Variants in FETUB observed in about 807,000 individuals in gnomAD.
FETUB encodes the protein fetuin B.
Under a neutral mutation model 30.9 loss-of-function variants are expected in FETUB, and 28 were observed. The observed-to-expected ratio is 0.90, with a 90% CI of 0.67 to 1.24. The LOEUF is 1.24. Among genes scored for constraint, FETUB ranks in the 50% most tolerant of loss-of-function variants. The pLI, the probability that FETUB is intolerant of heterozygous loss-of-function variation, is 0.00. For missense variants in FETUB, 469 were observed against 455.3 expected, an observed-to-expected ratio of 1.03 and a Z score of -0.27; for synonymous variants, 186 against 175.9, an observed-to-expected ratio of 1.06 and a Z score of -0.45.
upstream of FETUB, chr3:186,636,342 C>T (rs1293268192): frequency 1.3e-5 from 2 of 152,204 alleles, no homozygotes; most frequent in Admixed American, 6.5e-5. Context: ...TATAAAATCT[C>T]CCCTGGTCTT....
At chr3:186,644,367 C>T (rs1327475381) in intron 3 of FETUB, among the ~76,000 whole-genome samples, 2 of 152,102 alleles carry the variant, frequency 1.3e-5, no homozygotes, top group Non-Finnish European at 2.9e-5. Context: ...ATATGATGTT[C>T]GGTGTTAGGA....
chr3:186,647,316 T>C (rs577540410), intron 5 of FETUB, among the ~76,000 whole-genome samples: 82 of 152,344 alleles, frequency 5.4e-4, no homozygotes, highest in Non-Finnish European at 9.3e-4. Flanking sequence ...TATGTACACA[T>C]ATGTTTCCAT....
chr3:186,640,752 G>C (rs1009666430), intron 1 of FETUB, 67 bp downstream of exon 1: 5 of 1,334,232 alleles, frequency 3.7e-6, no homozygotes, highest in Non-Finnish European at 5.4e-6. Context: ...GCCAGGGTGA[G>C]GGAACCCAGA....
At position 186,651,367 on chromosome 3, in the gene FETUB, C is replaced by T. The variant is rs1194051873; in HGVS notation, c.780+66C>T. On this transcript the variant is annotated intron_variant, in intron 6 of 6. Coordinates refer to ENST00000265029, the MANE Select transcript of FETUB (RefSeq NM_014375.3). ...GCAGATTATCGATAGTTACCTGCCA[C>T]TACCTTACCCCCTCCTTTGATTTTC... 19 of 1,020,660 alleles carry T rather than the reference C, an allele frequency of 1.9e-5. No individual in the cohort carries two copies. In the East Asian group the frequency reaches 3.5e-4, roughly 19 times the overall value. 63.2% of individuals were successfully genotyped at this position (1,020,660 alleles called of 1,614,324 possible). A position where few individuals can be genotyped will look rare whatever the true frequency, so the allele number is the denominator to read the frequency against.
In FETUB at chr3:186,640,661, G is replaced by A. The variant is rs2108514196; in HGVS notation, c.201G>A (p.Val67=). 1 of 1,614,076 alleles carries A rather than the reference G, an allele frequency of 6.2e-7. No homozygotes were observed. The change falls in exon 1 of 7, where the codon GTG becomes GTA. Residue 67 remains valine, a synonymous_variant. Coordinates refer to ENST00000265029, the MANE Select transcript of FETUB (RefSeq NM_014375.3). ...KDGYVLRLNR[V]NDAQEYRRGG... Reference sequence around the variant, plus strand: ...GCTATGTGCTGAGACTCAACCGAGTGAACGACGCCCAGGAATACAGACGGG... The same window carrying A: ...GCTATGTGCTGAGACTCAACCGAGTAAACGACGCCCAGGAATACAGACGGG...
rs367977932 is a variant in FETUB, at chr3:186,640,656, C to T, written c.196C>T (p.Arg66Ter). The T allele has an allele frequency of 2.6e-5, 42 of 1,613,912 alleles. No homozygotes were observed. The highest frequency in any genetic ancestry group is 9.3e-5 in the African/African-American group (7 of 74,906). Residue 66 changes from arginine (R) to a stop codon, truncating the protein, a stop_gained, in exon 1 of 7, where the codon CGA becomes TGA. Transcript: ENST00000265029. LOFTEE classifies it high-confidence loss of function. ...RKDGYVLRLN[R>*]VNDAQEYRRG... ...GGATGGCTATGTGCTGAGACTCAACCGAGTGAACGACGCCCAGGAATACAG... is the reference window on the plus strand; with the variant it reads ...GGATGGCTATGTGCTGAGACTCAACTGAGTGAACGACGCCCAGGAATACAG...
At chr3:186,645,712 C>T (rs1194715095) in intron 4 of FETUB, among the ~76,000 whole-genome samples, 1 of 149,512 alleles carries the variant, frequency 6.7e-6, no homozygotes, top group Non-Finnish European at 1.5e-5. Context: ...GTTTAGGGCC[C>T]ATTCAAATCT....
Position 186,640,505 on chromosome 3 carries a change from C to G in FETUB, c.45C>G (p.Cys15Trp). 1 of 1,614,208 alleles carries G rather than the reference C, an allele frequency of 6.2e-7. No homozygotes were observed. ...TGGCACTCTGCATCCTAGTCCTGTG[C>G]TGCGGAGCAATGTCTCCACCCCAGC... Reference protein sequence around the residue: ...LPLALCILVLCCGAMSPPQLA... With the variant: ...LPLALCILVLWCGAMSPPQLA... The change falls in exon 1 of 7, where the codon TGC becomes TGG. Residue 15 changes from cysteine to tryptophan, a missense_variant. Transcript: ENST00000265029.
At chr3:186,648,815 T>C (rs1414469416) in intron 5 of FETUB, among the ~76,000 whole-genome samples, 3 of 152,240 alleles carry the variant, frequency 2.0e-5, no homozygotes, top group African/African-American at 7.2e-5. Context: ...TGAAAGTGTG[T>C]AGAAAGACGA....
intron 4 of FETUB, 77 bp from the exon 5 acceptor site, chr3:186,646,171 A>G (rs1415203230): frequency 4.1e-6 from 4 of 978,828 alleles, no homozygotes; most frequent in Non-Finnish European, 6.5e-6. Flanking sequence ...TTCTGTAGAT[A>G]TAACGCTGCC....
At position 186,640,448 on chromosome 3, in the gene FETUB, T is replaced by C. The variant is rs79554917; in HGVS notation, c.-13T>C. On this transcript the variant is annotated 5_prime_UTR_variant, in exon 1 of 7. Coordinates refer to ENST00000265029, the MANE Select transcript of FETUB (RefSeq NM_014375.3). ...CCACAAACTGACCCATCCTGGGCCTTGTTCTCCACAGAATGGGTCTGCTCC... is the reference window on the plus strand; with the variant it reads ...CCACAAACTGACCCATCCTGGGCCTCGTTCTCCACAGAATGGGTCTGCTCC... 1.1e-3 allele frequency: 1,810 copies of C among 1,609,112 alleles called. 13 individuals carry two copies. In the African/African-American group the frequency reaches 0.021, roughly 19 times the overall value.
intron 3 of FETUB, among the ~76,000 whole-genome samples, chr3:186,643,759 A>T (rs552964951): frequency 8.1e-4 from 124 of 152,280 alleles, no homozygotes; most frequent in African/African-American, 2.9e-3. Context: ...CCAGTCCCCA[A>T]GTGCATGCAG....
In FETUB at chr3:186,646,007, A is replaced by G. The variant is rs1442254768; in HGVS notation, c.595-241A>G. Among the ~76,000 whole-genome samples, 11 of 152,238 alleles carry G rather than the reference A, an allele frequency of 7.2e-5. 1 individual carries two copies. The highest frequency in any genetic ancestry group is 4.2e-4 in the South Asian group (2 of 4,816). ...CCCAAAGTGCTGGGATTACAGGCGTAAGCCACCGTGCCCAGCCTCAAATCT... is the reference window on the plus strand; with the variant it reads ...CCCAAAGTGCTGGGATTACAGGCGTGAGCCACCGTGCCCAGCCTCAAATCT... On this transcript the variant is annotated intron_variant, in intron 4 of 6. Transcript: ENST00000265029.
In FETUB at chr3:186,652,528, T is replaced by C. The variant is rs1718144484; in HGVS notation, c.1046T>C (p.Met349Thr). Reference protein sequence around the residue: ...LDISFLFLEPMEEKLVVLPFP... With the variant: ...LDISFLFLEPTEEKLVVLPFP... ...ATTTCCTTCCTCTTCCTGGAGCCTA[T>C]GGAGGAGAAGCTGGTGGTCCTGCCT... Residue 349 changes from methionine (M) to threonine (T), a missense_variant, in exon 7 of 7, where the codon ATG (methionine) becomes ACG (threonine). Physicochemically the swap from Met to Thr is moderately conservative, Grantham distance 81 (BLOSUM62 -1). Transcript: ENST00000265029. 6.2e-7 allele frequency: 1 copy of C among 1,614,146 alleles called. No individual in the cohort carries two copies. The highest frequency in any genetic ancestry group is 1.7e-5 in the Admixed American group (1 of 60,024).
At chr3:186,646,393 C>A in intron 5 of FETUB, 44 bp downstream of exon 5, 1 of 1,367,960 alleles carries the variant, frequency 7.3e-7, no homozygotes, top group Non-Finnish European at 1.0e-6. Flanking sequence ...GTTCACAGAT[C>A]ATCTCTAAGT....
rs1717442571 is a variant in FETUB at position 186,645,651 on chromosome 3, A to G, written c.595-597A>G. The stretch of plus-strand genomic sequence containing the variant: ...CCGATATTTCTTTCATAAGCAGAAA[A>G]ATCTAAAAGACAATTCTACATGAGG... On this transcript the variant is annotated intron_variant, in intron 4 of 6. Transcript: ENST00000265029. 4.6e-5 allele frequency among the ~76,000 whole-genome samples: 7 copies of G among 152,034 alleles called. 1 individual carries two copies. In the South Asian group the frequency reaches 1.5e-3, roughly 32 times the overall value.
At chr3:186,640,055 A>G (rs1199451125), upstream of FETUB, among the ~76,000 whole-genome samples, 1 of 152,158 alleles carries the variant, frequency 6.6e-6, no homozygotes, top group African/African-American at 2.4e-5. Flanking sequence ...GGGACATAAG[A>G]TAACTATTAG....
Position 186,642,534 on chromosome 3 carries a change from G to C in FETUB, c.400G>C (p.Ala134Pro). The change falls in exon 3 of 7, where the codon GCT becomes CCT. Residue 134 changes from alanine (A) to proline (P), a missense_variant. Transcript: ENST00000265029. ...CCCAAGTAGAGTTCTCTATTTAGCT[G>C]CTTATAACTGTACTCTTCGCCCAGG... ...NNPSRVLYLA[A>P]YNCTLRPVSK... is the part of the protein sequence containing the mutation. The C allele has an allele frequency of 6.2e-7, 1 of 1,604,514 alleles. No homozygotes were observed. The highest frequency in any genetic ancestry group is 8.5e-7 in the Non-Finnish European group (1 of 1,171,818).
At chr3:186,643,705 T>C (rs1284586917) in intron 3 of FETUB, among the ~76,000 whole-genome samples, 1 of 152,178 alleles carries the variant, frequency 6.6e-6, no homozygotes, top group Non-Finnish European at 1.5e-5. Context: ...GTGGTGATGA[T>C]TCAGGAGTGA....
Sources: gnomAD v4.1 joint callset for allele counts (sites outside exome capture counted in the v4.1 genomes callset) on GRCh38, gnomAD v4.1.1 for gene constraint, MANE v1.5 for transcripts, NCBI Gene and HGNC (gene_info 2026-07-23, HGNC 2026-07-21) for gene names.